Variants in AP2A2 observed in about 807,000 individuals in gnomAD.
AP2A2 encodes adaptor related protein complex 2 subunit alpha 2.
AP2A2 carries 32 observed loss-of-function variants against 104.2 expected under a neutral mutation model. That is an observed-to-expected ratio of 0.31 (90% CI 0.23 to 0.41). AP2A2 has a LOEUF of 0.41. AP2A2 is among the 10% of genes least tolerant of loss of function. The pLI is 1.00. For missense variants in AP2A2, 912 were observed against 1,261.0 expected (o/e 0.72, Z 4.19); for synonymous variants, 539 against 533.3 (o/e 1.01, Z -0.15).
chr11:926,062 C>T lies in AP2A2; in HGVS notation c.41C>T (p.Ala14Val). ...VSKGDGMRGL[A>V]VFISDIRNCK... Reference sequence around the variant, plus strand: ...AAGGGGGACGGGATGCGGGGCCTGGCGGTCTTCATCTCGGATATCCGCAAC... The same window carrying T: ...AAGGGGGACGGGATGCGGGGCCTGGTGGTCTTCATCTCGGATATCCGCAAC... The change falls in exon 1 of 22, where the codon GCG becomes GTG. Residue 14 changes from alanine (A) to valine (V), a missense_variant. By Grantham distance (64) the Ala-to-Val change is moderately conservative. Transcript: ENST00000448903. The T allele has an allele frequency of 5.1e-6, 7 of 1,372,380 alleles. No homozygotes were observed. Among genetic ancestry groups the T allele is most frequent in the East Asian group, 3.1e-5 (1 of 32,580 alleles). 85.0% of individuals were successfully genotyped at this position (1,372,380 alleles called of 1,614,324 possible). A position where few individuals can be genotyped will look rare whatever the true frequency, so the allele number is the denominator to read the frequency against.
intron 16 of AP2A2, among the ~76,000 whole-genome samples, chr11:1,005,097 G>A (rs1856162642): frequency 6.6e-6 from 1 of 152,230 alleles, no homozygotes; most frequent in African/African-American, 2.4e-5. Context: ...ATGTTCATGG[G>A]TGGATGCCTA....
chr11:976,945 C>CT (rs1855062139), intron 4 of AP2A2, 150 bp from the exon 5 acceptor site: 5 of 967,088 alleles, frequency 5.2e-6, no homozygotes, highest in Non-Finnish European at 7.6e-6. Flanking sequence ...CTGCTGCCCC[C>CT]TAGGCGGCCT....
intron 3 of AP2A2, 50 bp from the exon 4 acceptor site, chr11:972,012 T>G: frequency 6.5e-7 from 1 of 1,536,944 alleles, no homozygotes; most frequent in Non-Finnish European, 8.8e-7. Flanking sequence ...GGGCCACAGG[T>G]GGACTTGGAT....
At chr11:981,619 T>C (rs137997641) in intron 6 of AP2A2, among the ~76,000 whole-genome samples, 1,763 of 152,372 alleles carry the variant, frequency 0.012, 16 homozygotes, top group Non-Finnish European at 0.016. Context: ...AGCCTGCCAT[T>C]CAGCTTCCTG....
chr11:983,615 C>T (rs944037051), intron 6 of AP2A2, among the ~76,000 whole-genome samples: 23 of 151,592 alleles, frequency 1.5e-4, no homozygotes, highest in Admixed American at 1.1e-3. Flanking sequence ...GATCTCCTGA[C>T]CTTGTGATCC....
At chr11:944,882 T>C (rs1325610927) in intron 1 of AP2A2, among the ~76,000 whole-genome samples, 2 of 74,398 alleles carry the variant, frequency 2.7e-5, no homozygotes, top group Admixed American at 3.3e-4. Flanking sequence ...GGGGTTAGGT[T>C]GGGGGGAATG....
intron 15 of AP2A2, among the ~76,000 whole-genome samples, chr11:1,001,749 G>A (rs890234904): frequency 6.6e-6 from 1 of 152,150 alleles, no homozygotes; most frequent in Admixed American, 6.5e-5. Flanking sequence ...TGGGCAGTCC[G>A]TGGCAGCCGT....
At chr11:953,444 C>T (rs1327051346) in intron 1 of AP2A2, among the ~76,000 whole-genome samples, 2 of 152,102 alleles carry the variant, frequency 1.3e-5, no homozygotes, top group African/African-American at 2.4e-5. Flanking sequence ...GGATTATAGG[C>T]GTGAGCCACT....
Position 984,655 on chromosome 11 carries a change from C to T in AP2A2, c.716C>T (p.Ser239Phe). ...TGTGCTGTCTTACAGATCGTGACGTCTGCATCCACAGATCTCCAGGATTAC... is the reference window on the plus strand; with the variant it reads ...TGTGCTGTCTTACAGATCGTGACGTTTGCATCCACAGATCTCCAGGATTAC... ...AVSRLSRIVT[S>F]ASTDLQDYTY... The change falls in exon 7 of 22, where the codon TCT becomes TTT. Residue 239 changes from serine to phenylalanine, a missense_variant. Physicochemically the swap from Ser to Phe is radical, Grantham distance 155. This residue lies in a region of AP2A2 where 350 missense variants were observed against 487.0 expected (regional missense o/e 0.72). Coordinates refer to ENST00000448903, the MANE Select transcript of AP2A2 (RefSeq NM_012305.4). 6.2e-7 allele frequency: 1 copy of T among 1,612,446 alleles called. No homozygotes were observed. The highest frequency in any genetic ancestry group is 8.5e-7 in the Non-Finnish European group (1 of 1,178,660).
chr11:994,150 C>T lies in AP2A2; in HGVS notation c.1861C>T (p.Pro621Ser), dbSNP rs184078663. 1.2e-6 allele frequency: 2 copies of T among 1,613,068 alleles called. No individual in the cohort carries two copies. The highest frequency in any genetic ancestry group is 2.2e-5 in the East Asian group (1 of 44,866). Residue 621 changes from proline (P) to serine (S), a missense_variant, in exon 14 of 22, where the codon CCC (proline) becomes TCC (serine). Physicochemically the swap from Pro to Ser is moderately conservative, Grantham distance 74. This residue lies in a region of AP2A2 where 137 missense variants were observed against 186.9 expected (regional missense o/e 0.73). Transcript: ENST00000448903. ...ILAKLKKKKG[P>S]STVTDLEDTK... Reference sequence around the variant, plus strand: ...GGCAAAGCTCAAGAAGAAGAAGGGCCCCAGCACGGTGACAGACCTGGAGGA... The same window carrying T: ...GGCAAAGCTCAAGAAGAAGAAGGGCTCCAGCACGGTGACAGACCTGGAGGA...
intron 21 of AP2A2, 156 bp downstream of exon 21, chr11:1,009,973 C>G: frequency 2.1e-6 from 2 of 951,748 alleles, no homozygotes; most frequent in Non-Finnish European, 3.1e-6. Context: ...CTCCCAGCCT[C>G]CCCGCAGCTG....
intron 1 of AP2A2, among the ~76,000 whole-genome samples, chr11:927,558 A>G (rs1234968012): frequency 6.6e-6 from 1 of 151,414 alleles, no homozygotes; most frequent in African/African-American, 2.4e-5. Context: ...GCTCAAACCT[A>G]TAGTCCCAGC....
intron 1 of AP2A2, among the ~76,000 whole-genome samples, chr11:944,810 G>A (rs10902238): frequency 0.48 from 71,346 of 149,396 alleles, 17,930 homozygotes; most frequent in Middle Eastern, 0.65. Context: ...ACTGCTGCAC[G>A]GAAGAAACAG....
intron 15 of AP2A2, 52 bp downstream of exon 15, chr11:1,000,650 T>A: frequency 6.7e-7 from 1 of 1,497,698 alleles, no homozygotes; most frequent in Non-Finnish European, 8.9e-7. Context: ...CCGTGCCCCC[T>A]GACTTCTGGT....
At chr11:936,853 A>G (rs1853474518) in intron 1 of AP2A2, among the ~76,000 whole-genome samples, 1 of 152,076 alleles carries the variant, frequency 6.6e-6, no homozygotes, top group African/African-American at 2.4e-5. Flanking sequence ...GTCTGGGGCT[A>G]GTTTTACCTC....
rs1249674173 is a variant in AP2A2, at chr11:968,549, G to A, written c.137-1620G>A. On this transcript the variant is annotated intron_variant, in intron 2 of 21. Transcript: ENST00000448903. The surrounding 1 kb of genome is among the most constrained non-coding windows in gnomAD (Gnocchi z 4.2). ...CCTTTGAGAGGTGCTTTGAGTAACA[G>A]GGAAGTCTCCGGAGGGAGGAGGAGG... Among the ~76,000 whole-genome samples, 1 of 152,104 alleles carries A rather than the reference G, an allele frequency of 6.6e-6. No individual in the cohort carries two copies. Among genetic ancestry groups the A allele is most frequent in the Non-Finnish European group, 1.5e-5 (1 of 68,040 alleles).
At chr11:941,203 G>A (rs1007987485) in intron 1 of AP2A2, among the ~76,000 whole-genome samples, 2 of 152,134 alleles carry the variant, frequency 1.3e-5, no homozygotes, top group Non-Finnish European at 2.9e-5. Context: ...TTCTCTGTTC[G>A]AGACGGTTTG....
chr11:999,260 G>A (rs567359837), intron 14 of AP2A2, among the ~76,000 whole-genome samples: 4 of 152,258 alleles, frequency 2.6e-5, no homozygotes, highest in East Asian at 1.9e-4. Flanking sequence ...GGCCGGGTGC[G>A]GTGGCTCATG....
At chr11:946,130 G>A (rs189322133) in intron 1 of AP2A2, among the ~76,000 whole-genome samples, 1 of 152,292 alleles carries the variant, frequency 6.6e-6, no homozygotes, top group Non-Finnish European at 1.5e-5. Context: ...GTCAGAACGC[G>A]AAATTAACCA....
Sources: allele counts gnomAD v4.1 joint callset (sites outside exome capture counted in the v4.1 genomes callset), GRCh38; gene constraint gnomAD v4.1.1; regional missense constraint gnomAD v4.1.1; non-coding constraint Gnocchi (gnomAD v3.1); transcripts MANE v1.5; gene names NCBI Gene and HGNC (gene_info 2026-07-23, HGNC 2026-07-21).